Variants in XIRP2 observed in about 807,000 individuals in gnomAD.
XIRP2 encodes xin actin binding repeat containing 2.
A neutral mutation model predicts 277.0 loss-of-function variants in XIRP2; 236 were observed. That is an observed-to-expected ratio of 0.85 (90% CI 0.77 to 0.95). XIRP2 has a LOEUF of 0.95. Ranked by LOEUF, XIRP2 falls within the 40% of genes least tolerant of loss-of-function variation. XIRP2 has a pLI of 0.00. For synonymous variants in XIRP2, 1,490 were observed against 1,416.5 expected, an observed-to-expected ratio of 1.05 and a Z score of -1.17; for missense variants, 4,640 against 4,157.5, an observed-to-expected ratio of 1.12 and a Z score of -3.19.
At chr2:166,912,608 C>T (rs948724586) in intron 2 of XIRP2, among the ~76,000 whole-genome samples, 14 of 152,212 alleles carry the variant, frequency 9.2e-5, no homozygotes, top group African/African-American at 2.9e-4. Context: ...TCTCTCAACT[C>T]GTCAAATTCA....
At position 167,251,675 on chromosome 2, in the gene XIRP2, A is replaced by G; in HGVS notation, c.10283A>G (p.Gln3428Arg). The G allele has an allele frequency of 6.2e-7, 1 of 1,613,440 alleles. No individual in the cohort carries two copies. Among genetic ancestry groups the G allele is most frequent in the Non-Finnish European group, 8.5e-7 (1 of 1,179,636 alleles). The change falls in exon 9 of 11, where the codon CAA becomes CGA. Residue 3428 changes from glutamine (Q) to arginine (R), a missense_variant. Physicochemically the swap from Gln to Arg is conservative, Grantham distance 43 (BLOSUM62 1). Transcript: ENST00000409195. ...HFSGMDAFES[Q>R]IVESKMKTSS... ...TCAGGCATGGATGCATTTGAGAGTC[A>G]AATTGTTGAGTCGAAGATGAAAACC...
chr2:167,231,535 A>T (rs752580371), intron 5 of XIRP2, among the ~76,000 whole-genome samples: 9 of 151,914 alleles, frequency 5.9e-5, no homozygotes, highest in Non-Finnish European at 8.8e-5. Context: ...AGTGTTCATA[A>T]ATAATATTTC....
chr2:167,237,483 A>G (rs938380103), intron 5 of XIRP2, among the ~76,000 whole-genome samples: 2 of 152,054 alleles, frequency 1.3e-5, no homozygotes, highest in African/African-American at 4.8e-5. Context: ...AGTGATAGTG[A>G]TGGTGGCCAA....
At chr2:167,162,143 A>T (rs751588006) in intron 3 of XIRP2, among the ~76,000 whole-genome samples, 64 of 152,160 alleles carry the variant, frequency 4.2e-4, no homozygotes, top group African/African-American at 1.4e-3. Context: ...CATTCGGTCA[A>T]AGCCATTCAA....
chr2:167,036,478 T>C (rs753207196), intron 2 of XIRP2, among the ~76,000 whole-genome samples: 2 of 152,152 alleles, frequency 1.3e-5, no homozygotes, highest in Non-Finnish European at 2.9e-5. Flanking sequence ...CCTTTTCTTT[T>C]GGCCAATTTA....
rs16853326 is a variant in XIRP2, at chr2:167,249,185, T to G, written c.7793T>G (p.Leu2598Arg). The G allele has an allele frequency of 0.018, 28,806 of 1,613,660 alleles. 506 individuals are homozygous for G. Among genetic ancestry groups the G allele is most frequent in the Middle Eastern group, 0.066 (398 of 6,058 alleles). The change falls in exon 9 of 11, where the codon CTA (leucine) becomes CGA (arginine). Residue 2598 changes from leucine (L) to arginine (R), a missense_variant. Physicochemically the swap from Leu to Arg is moderately radical, Grantham distance 102. Transcript: ENST00000409195. ...CAAAAAACCAATGAGGAGGTTTCCC[T>G]ATCTGGAATTGATTCAGAATGCACT... ...PLQKTNEEVS[L>R]SGIDSECTVV...
At chr2:166,984,110 A>G (rs933867505) in intron 2 of XIRP2, among the ~76,000 whole-genome samples, 2 of 152,174 alleles carry the variant, frequency 1.3e-5, no homozygotes, top group African/African-American at 4.8e-5. Flanking sequence ...CAACTCTTAC[A>G]ATTCCCATTC....
chr2:167,035,856 A>G (rs114545569), intron 2 of XIRP2, among the ~76,000 whole-genome samples: 5,477 of 152,252 alleles, frequency 0.036, 111 homozygotes, highest in East Asian at 0.049. Context: ...CATGGCCCCT[A>G]TGCTTTGTGC....
chr2:166,987,170 G>GA (rs1415229001), intron 2 of XIRP2, among the ~76,000 whole-genome samples: 7 of 152,088 alleles, frequency 4.6e-5, no homozygotes, highest in Non-Finnish European at 1.0e-4. Context: ...ATGAGGAGAA[G>GA]AAAAAATTTT....
chr2:167,161,774 A>T (rs1692376228), intron 3 of XIRP2, among the ~76,000 whole-genome samples: 1 of 152,178 alleles, frequency 6.6e-6, no homozygotes, highest in Non-Finnish European at 1.5e-5. Flanking sequence ...CTCATTACTT[A>T]TGCAAATTTC....
chr2:167,182,336 A>G (rs1394016827), intron 3 of XIRP2, among the ~76,000 whole-genome samples: 1 of 152,148 alleles, frequency 6.6e-6, no homozygotes, highest in African/African-American at 2.4e-5. Context: ...GATGGGCCCC[A>G]TTGGGTCAGA....
intron 4 of XIRP2, among the ~76,000 whole-genome samples, chr2:167,212,450 A>C (rs778996206): frequency 6.6e-6 from 1 of 152,244 alleles, no homozygotes; most frequent in African/African-American, 2.4e-5. Flanking sequence ...GATGTGTTTA[A>C]AAAGGGAATG....
At chr2:167,192,699 T>C (rs995802013) in intron 3 of XIRP2, among the ~76,000 whole-genome samples, 1 of 152,180 alleles carries the variant, frequency 6.6e-6, no homozygotes, top group Non-Finnish European at 1.5e-5. Context: ...TTCTGCGGCA[T>C]CCAGAGCTAT....
intron 2 of XIRP2, among the ~76,000 whole-genome samples, chr2:167,055,864 C>T (rs1051225276): frequency 6.6e-6 from 1 of 152,060 alleles, no homozygotes; most frequent in African/African-American, 2.4e-5. Context: ...TTTCTCTTTT[C>T]CCCTGGACTA....
At chr2:167,055,624 C>G (rs1689019972) in intron 2 of XIRP2, among the ~76,000 whole-genome samples, 1 of 152,036 alleles carries the variant, frequency 6.6e-6, no homozygotes, top group East Asian at 1.9e-4. Flanking sequence ...ATTCTCATCT[C>G]TGAATATGCA....
At position 167,141,980 on chromosome 2, in the gene XIRP2, T is replaced by C. The variant is rs1366079237; in HGVS notation, c.562+5918T>C. Among the ~76,000 whole-genome samples the C allele has an allele frequency of 2.0e-5, 3 of 152,166 alleles. No individual in the cohort carries two copies. The East Asian group carries it at 5.8e-4, about 29-fold the overall frequency. ...TCCCAGGCCCCCTAGTTGGAGCAAC[T>C]ATATTGCTGATTTTTTGCAGTCACT... On this transcript the variant is annotated intron_variant, in intron 3 of 10. Transcript: ENST00000409195.
intron 3 of XIRP2, among the ~76,000 whole-genome samples, chr2:167,207,943 A>G (rs1693907947): frequency 6.6e-6 from 1 of 152,126 alleles, no homozygotes; most frequent in Admixed American, 6.5e-5. Context: ...GATGTATTTT[A>G]TTACACAAAG....
intron 2 of XIRP2, among the ~76,000 whole-genome samples, chr2:166,947,167 A>T (rs1272789652): frequency 1.3e-5 from 2 of 152,224 alleles, no homozygotes. Context: ...ATGTTTTCAA[A>T]AAAAAGGTGG....
chr2:167,135,871 T>C (rs1691531418), intron 2 of XIRP2, 38 bp from the exon 3 acceptor site: 1 of 1,517,888 alleles, frequency 6.6e-7, no homozygotes, highest in African/African-American at 1.4e-5. Context: ...TTCCTACTGA[T>C]AGCTTTTAAC....
Sources: gnomAD v4.1 joint callset for allele counts (sites outside exome capture counted in the v4.1 genomes callset) on GRCh38, gnomAD v4.1.1 for gene constraint, MANE v1.5 for transcripts, NCBI Gene and HGNC (gene_info 2026-07-23, HGNC 2026-07-21) for gene names.